The following OR1S1 variants were observed in gnomAD, a reference collection of about 807,000 sequenced individuals.
OR1S1 encodes the protein olfactory receptor 1S1.
For synonymous variants in OR1S1, 156 were observed against 143.9 expected, an observed-to-expected ratio of 1.08 and a Z score of -0.60; for missense variants, 411 against 367.5, an observed-to-expected ratio of 1.12 and a Z score of -0.97.
At chr11:58,213,765 G>T (rs1852862286) in intron 1 of OR1S1, among the ~76,000 whole-genome samples, 3 of 152,180 alleles carry the variant, frequency 2.0e-5, no homozygotes, top group Admixed American at 2.0e-4. Context: ...GGGTTCGTCA[G>T]GGGCTCCCGT....
At chr11:58,216,053 G>T (rs750095823) in exon 2 of OR1S1, 28 of 240,636 alleles carry the variant, frequency 1.2e-4, no homozygotes, top group Non-Finnish European at 1.9e-4. Flanking sequence ...AAGACCTATT[G>T]TTTGATAAAT....
chr11:58,214,133 C>T (rs1852878155), intron 1 of OR1S1, among the ~76,000 whole-genome samples: 1 of 152,214 alleles, frequency 6.6e-6, no homozygotes. Context: ...AAACAGAAGT[C>T]TTTAAGTGTA....
chr11:58,215,822 G>T, exon 2 of OR1S1: 1 of 1,423,334 alleles, frequency 7.0e-7, no homozygotes, highest in African/African-American at 1.4e-5. Flanking sequence ...TGATGAACTT[G>T]CAGGTATCTG....
At chr11:58,215,148 A>G (rs1966834) in exon 2 of OR1S1, 719,950 of 1,613,750 alleles carry the variant, frequency 0.45, 166,386 homozygotes, top group East Asian at 0.77. Flanking sequence ...GCCTATGACC[A>G]CTTTGTGGCG....
exon 2 of OR1S1, chr11:58,215,608 T>G: frequency 2.5e-6 from 4 of 1,614,146 alleles, no homozygotes; most frequent in Non-Finnish European, 3.4e-6. Context: ...AGATTGGTGC[T>G]GTCCTATTCA....
At chr11:58,215,808 C>T in exon 2 of OR1S1, 2 of 1,484,562 alleles carry the variant, frequency 1.3e-6, no homozygotes, top group East Asian at 2.3e-5. Flanking sequence ...GATGGTTCAA[C>T]TTTTGATGAA....
rs754794363 is a variant in OR1S1 at position 58,215,631 on chromosome 11, C to A, written c.848C>A (p.Pro283His). The A allele has an allele frequency of 6.2e-6, 10 of 1,614,030 alleles. No individual in the cohort carries two copies. The East Asian group carries it at 2.2e-4, about 36-fold the overall frequency. Residue 283 changes from proline (P) to histidine (H), a missense_variant, in exon 2 of 2, where the codon CCC becomes CAC. By Grantham distance (77) the Pro-to-His change is moderately conservative (BLOSUM62 -2). Coordinates refer to ENST00000641544, the Ensembl canonical transcript of OR1S1. ...GCTGTCCTATTCACTGTGGTGACAC[C>A]CATGATAAACCCCTTCATCTACAGC... is the stretch of plus-strand genomic sequence containing the variant.
At position 58,214,921 on chromosome 11, in the gene OR1S1, T is replaced by C. The variant is rs367667097; in HGVS notation, c.138T>C (p.Ile46=). 11 of 1,614,154 alleles carry C rather than the reference T, an allele frequency of 6.8e-6. No individual in the cohort carries two copies. The East Asian group carries it at 1.6e-4, about 23-fold the overall frequency. ...CTGTGATTGGGAACGGGCTCATCAT[T>C]GTGGCTATCAGCTTGGATACGTACC... is the stretch of plus-strand genomic sequence containing the variant. The change falls in exon 2 of 2, where the codon ATT becomes ATC. Residue 46 remains isoleucine, a synonymous_variant. Coordinates refer to ENST00000641544, the Ensembl canonical transcript of OR1S1.
At chr11:58,214,257 G>A (rs370562123) in intron 1 of OR1S1, among the ~76,000 whole-genome samples, 15 of 152,186 alleles carry the variant, frequency 9.9e-5, no homozygotes, top group East Asian at 3.9e-4. Context: ...GTTCTCCCCC[G>A]GCGTTAGTGG....
At chr11:58,215,754 A>G (rs1423496243) in exon 2 of OR1S1, 1 of 1,587,060 alleles carries the variant, frequency 6.3e-7, no homozygotes, top group South Asian at 1.2e-5. Context: ...TTTAGTCCAC[A>G]TAATCAGATA....
chr11:58,215,050 T>A, exon 2 of OR1S1: 4 of 1,613,802 alleles, frequency 2.5e-6, no homozygotes, highest in Non-Finnish European at 3.4e-6. Flanking sequence ...AAACCAAGAG[T>A]CAATCCATCT....
rs140365237 is a variant in OR1S1, at chr11:58,214,941, C to T, written c.158C>T (p.Thr53Met). ...ATCATTGTGGCTATCAGCTTGGATA[C>T]GTACCTTCATACCCCCATGTATCTC... Residue 53 changes from threonine (T) to methionine (M), a missense_variant, in exon 2 of 2, where the codon ACG becomes ATG. By Grantham distance (81) the Thr-to-Met change is moderately conservative. Coordinates refer to ENST00000641544, the Ensembl canonical transcript of OR1S1. 33 of 1,613,610 alleles carry T rather than the reference C, an allele frequency of 2.0e-5. No homozygotes were observed. Among genetic ancestry groups the T allele is most frequent in the East Asian group, 4.5e-5 (2 of 44,878 alleles).
intron 1 of OR1S1, among the ~76,000 whole-genome samples, chr11:58,213,328 T>C (rs1208373791): frequency 6.6e-6 from 1 of 152,200 alleles, no homozygotes; most frequent in Non-Finnish European, 1.5e-5. Context: ...GGATGACACC[T>C]TGTGAGAGCC....
At chr11:58,215,752 A>T (rs748445028) in exon 2 of OR1S1, 1 of 1,588,948 alleles carries the variant, frequency 6.3e-7, no homozygotes, top group East Asian at 2.2e-5. Context: ...CTTTTAGTCC[A>T]CATAATCAGA....
chr11:58,212,995 A>G (rs958225574), intron 1 of OR1S1, among the ~76,000 whole-genome samples, 158 bp downstream of exon 1: 1 of 152,100 alleles, frequency 6.6e-6, no homozygotes, highest in Non-Finnish European at 1.5e-5. Context: ...AGCTCATTTC[A>G]GTTTTGTTGT....
Position 58,215,319 on chromosome 11 carries a change from G to A in OR1S1, c.536G>A (p.Cys179Tyr), listed in dbSNP as rs368630919. 5.0e-6 allele frequency: 8 copies of A among 1,613,488 alleles called. No individual in the cohort carries two copies. In the African/African-American group the frequency reaches 9.4e-5, roughly 19 times the overall value. Residue 179 changes from cysteine (C) to tyrosine (Y), a missense_variant, in exon 2 of 2, where the codon TGT becomes TAT. Physicochemically the swap from Cys to Tyr is radical, Grantham distance 194 (BLOSUM62 -2). Transcript: ENST00000641544. Reference sequence around the variant, plus strand: ...CACAACACTCTCCCACACTTCTTCTGTGACTTGGCCCCTCTGCTCAAACTG... The same window carrying A: ...CACAACACTCTCCCACACTTCTTCTATGACTTGGCCCCTCTGCTCAAACTG...
intron 1 of OR1S1, among the ~76,000 whole-genome samples, chr11:58,214,009 T>G (rs1852873316): frequency 6.6e-6 from 1 of 152,148 alleles, no homozygotes; most frequent in African/African-American, 2.4e-5. Context: ...ATGTCATGGG[T>G]GAAAATGCAG....
chr11:58,213,948 A>G (rs1050861741), intron 1 of OR1S1, among the ~76,000 whole-genome samples: 12 of 152,220 alleles, frequency 7.9e-5, no homozygotes, highest in African/African-American at 2.4e-4. Context: ...CTTGACTCCA[A>G]TGACCTCCTA....
rs767823328 is a variant in OR1S1, at chr11:58,215,537, T to A, written c.754T>A (p.Tyr252Asn). The A allele has an allele frequency of 9.9e-6, 16 of 1,614,140 alleles. No individual in the cohort carries two copies. The highest frequency in any genetic ancestry group is 3.3e-4 in the Middle Eastern group (2 of 6,062). Residue 252 changes from tyrosine (Y) to asparagine (N), a missense_variant, in exon 2 of 2, where the codon TAC (tyrosine) becomes AAC (asparagine). Coordinates refer to ENST00000641544, the Ensembl canonical transcript of OR1S1. ...TCACCTGACAGTTGTATTACTGTTCTACGGAACCATTGTAGGCGTGTACTT... is the reference window on the plus strand; with the variant it reads ...TCACCTGACAGTTGTATTACTGTTCAACGGAACCATTGTAGGCGTGTACTT...
Sources: gnomAD v4.1 joint callset for allele counts (sites outside exome capture counted in the v4.1 genomes callset) on GRCh38, gnomAD v4.1.1 for gene constraint, MANE v1.5 for transcripts, NCBI Gene and HGNC (gene_info 2026-07-23, HGNC 2026-07-21) for gene names.